GLMN: variants seen among roughly 807,000 people sequenced by gnomAD.
GLMN encodes the protein glomulin, FKBP associated protein.
In GLMN, 75 loss-of-function variants were observed where a neutral mutation model predicts 87.8. The observed-to-expected ratio is 0.85, with a 90% CI of 0.71 to 1.04. The LOEUF is 1.04. Among genes scored for constraint, GLMN ranks in the 50% least tolerant of loss-of-function variants. The pLI is 0.00. For missense variants in GLMN, 588 were observed against 658.8 expected (o/e 0.89, Z 1.18); for synonymous variants, 206 against 221.6 (o/e 0.93, Z 0.63).
At chr1:92,281,142 G>A (rs963283778) in intron 7 of GLMN, among the ~76,000 whole-genome samples, 1 of 152,160 alleles carries the variant, frequency 6.6e-6, no homozygotes, top group African/African-American at 2.4e-5. Context: ...TCCTTGAGAA[G>A]AGCAACCCCA....
At chr1:92,268,991 T>C (rs1281574478) in intron 9 of GLMN, among the ~76,000 whole-genome samples, 1 of 150,826 alleles carries the variant, frequency 6.6e-6, no homozygotes, top group African/African-American at 2.4e-5. Context: ...TGATCTCTGC[T>C]CACTGCAGCC....
At chr1:92,249,863 T>TA (rs1653220093) in intron 16 of GLMN, among the ~76,000 whole-genome samples, 1 of 152,196 alleles carries the variant, frequency 6.6e-6, no homozygotes, top group Non-Finnish European at 1.5e-5. Context: ...CATGTGAGAA[T>TA]ATGTGATACT....
At chr1:92,288,615 A>C (rs1649044968) in intron 6 of GLMN, among the ~76,000 whole-genome samples, 1 of 151,904 alleles carries the variant, frequency 6.6e-6, no homozygotes, top group Non-Finnish European at 1.5e-5. Flanking sequence ...TTTTATAGAG[A>C]TGGGGGTCTC....
the GLMN span, chr1:92,323,631 T>TA: frequency 1.9e-6 from 3 of 1,613,952 alleles, no homozygotes; most frequent in Non-Finnish European, 2.5e-6. Context: ...ATTCAACAAA[T>TA]ATTAGACCAC....
chr1:92,267,818 G>A, intron 11 of GLMN, 95 bp downstream of exon 11: 1 of 768,742 alleles, frequency 1.3e-6, no homozygotes, highest in Non-Finnish European at 2.4e-6. Context: ...AAAGGTTGCA[G>A]AGAAAAGAGT....
chr1:92,355,671 G>A, the GLMN span, among the ~76,000 whole-genome samples: 1 of 152,134 alleles, frequency 6.6e-6, no homozygotes, highest in Admixed American at 6.5e-5. Context: ...GCAGACTTTA[G>A]TTGACATTAT....
chr1:92,309,355 T>C, the GLMN span, among the ~76,000 whole-genome samples: 2 of 151,584 alleles, frequency 1.3e-5, no homozygotes, highest in Non-Finnish European at 2.9e-5. Context: ...GGTAGGAGAA[T>C]TGCTTGAACC....
intron 2 of GLMN, 119 bp from the exon 3 acceptor site, chr1:92,297,648 A>C: frequency 1.1e-6 from 1 of 904,824 alleles, no homozygotes; most frequent in African/African-American, 1.7e-5. Flanking sequence ...AATTCTAGAT[A>C]AATGTAACGT....
intron 9 of GLMN, 138 bp downstream of exon 9, chr1:92,269,585 A>G: frequency 3.0e-6 from 2 of 668,012 alleles, no homozygotes; most frequent in South Asian, 3.3e-5. Context: ...TCTCTCGTGA[A>G]TTATTTGCCT....
chr1:92,297,078 G>C (rs1650155129), intron 3 of GLMN, among the ~76,000 whole-genome samples: 1 of 150,028 alleles, frequency 6.7e-6, no homozygotes. Flanking sequence ...TGTTTGACCA[G>C]ATGGTAAAAA....
At chr1:92,259,818 TCC>T (rs1173943473) in intron 16 of GLMN, among the ~76,000 whole-genome samples, 18 of 140,452 alleles carry the variant, frequency 1.3e-4, no homozygotes, top group Non-Finnish European at 2.3e-4. Flanking sequence ...CACTGCAAGC[TCC>T]GCCTCCCGGT....
chr1:92,269,946 A>G (rs1656065093), intron 8 of GLMN, among the ~76,000 whole-genome samples, 170 bp from the exon 9 acceptor site: 1 of 152,190 alleles, frequency 6.6e-6, no homozygotes, highest in South Asian at 2.1e-4. Context: ...TATGGAGGTA[A>G]TCAATTTAAA....
At chr1:92,265,136 C>T (rs1158871305) in intron 13 of GLMN, among the ~76,000 whole-genome samples, 5 of 152,142 alleles carry the variant, frequency 3.3e-5, no homozygotes, top group South Asian at 4.1e-4. Context: ...CCACCACACC[C>T]GGCCGGTAAA....
chr1:92,250,850 T>C (rs1570822377), intron 16 of GLMN, among the ~76,000 whole-genome samples: 1 of 152,190 alleles, frequency 6.6e-6, no homozygotes, highest in African/African-American at 2.4e-5. Flanking sequence ...ATTGTTTACA[T>C]ACAGTAAAAT....
chr1:92,289,278 TCA>T, intron 5 of GLMN, 127 bp from the exon 6 acceptor site: 2 of 750,254 alleles, frequency 2.7e-6, no homozygotes, highest in Admixed American at 3.5e-5. Flanking sequence ...AGATGACACA[TCA>T]CAGTCTAATT....
At chr1:92,287,183 T>C (rs1057136190) in intron 6 of GLMN, among the ~76,000 whole-genome samples, 1 of 152,198 alleles carries the variant, frequency 6.6e-6, no homozygotes, top group Non-Finnish European at 1.5e-5. Flanking sequence ...GTCTATGATG[T>C]TGTTTTCATT....
chr1:92,268,629 A>G (rs905172649), intron 9 of GLMN, among the ~76,000 whole-genome samples: 4 of 152,172 alleles, frequency 2.6e-5, no homozygotes, highest in African/African-American at 9.7e-5. Flanking sequence ...AATACAGCAA[A>G]TTTACAGAAT....
chr1:92,312,451 A>C, the GLMN span, among the ~76,000 whole-genome samples: 1 of 152,132 alleles, frequency 6.6e-6, no homozygotes, highest in Non-Finnish European at 1.5e-5. Flanking sequence ...CAGTCCTCTC[A>C]AACTTCATTG....
chr1:92,324,216 G>C, the GLMN span: 1 of 1,614,134 alleles, frequency 6.2e-7, no homozygotes, highest in Middle Eastern at 1.6e-4. Flanking sequence ...GCTTGGATGA[G>C]TCTTTACCTT....
Sources: allele counts gnomAD v4.1 joint callset (sites outside exome capture counted in the v4.1 genomes callset), GRCh38; gene constraint gnomAD v4.1.1; transcripts MANE v1.5; gene names NCBI Gene and HGNC (gene_info 2026-07-23, HGNC 2026-07-21).